Variants in TOP1MT observed in about 807,000 individuals in gnomAD.
TOP1MT encodes the protein DNA topoisomerase I mitochondrial, also known as DNA topoisomerase I, mitochondrial.
In TOP1MT, 80 loss-of-function variants were observed where a neutral mutation model predicts 73.9. The observed-to-expected ratio is 1.08, with a 90% confidence interval of 0.90 to 1.30. The LOEUF is 1.30. TOP1MT is among the 50% of genes most tolerant of loss of function. The probability of loss-of-function intolerance (pLI) is 0.00; values close to 1 mark genes in which losing one functional copy is unlikely to be tolerated. For synonymous variants in TOP1MT, 338 were observed against 326.4 expected, an observed-to-expected ratio of 1.04 and a Z score of -0.38; for missense variants, 815 against 808.0, an observed-to-expected ratio of 1.01 and a Z score of -0.10.
At chr8:143,329,998 G>A (rs1013348926) in intron 2 of TOP1MT, among the ~76,000 whole-genome samples, 3 of 152,220 alleles carry the variant, frequency 2.0e-5, no homozygotes, top group African/African-American at 4.8e-5. Context: ...GGGAACGAGG[G>A]TGTTCACCAG....
upstream of TOP1MT, among the ~76,000 whole-genome samples, chr8:143,335,188 C>G (rs1009493955): frequency 6.6e-6 from 1 of 152,240 alleles, no homozygotes; most frequent in African/African-American, 2.4e-5. Context: ...CCAGTGAACT[C>G]CTGCCCAGGG....
rs1224553081 is a variant in TOP1MT at position 143,344,915 on chromosome 8, C to T, written c.-39+1G>A. The stretch of plus-strand genomic sequence containing the variant: ...GCGTCAAGGGAGGAGCCACCCAGCA[C>T]CTGGAGAGCAGCTGTGGTCACAGGC... On this transcript the variant is annotated splice_donor_variant, in intron 1 of 5. Transcript: ENST00000518007. LOFTEE classifies it low-confidence loss of function (5UTR_SPLICE). This position sits in a 1 kb window ranked among gnomAD's most constrained non-coding sequence, Gnocchi z 4.6. The T allele has an allele frequency of 2.0e-5, 3 of 152,414 alleles. No homozygotes were observed. The highest frequency in any genetic ancestry group is 4.4e-5 in the Non-Finnish European group (3 of 68,206). The allele number at this position is 152,414 out of a possible 1,614,324, so 9.4% of individuals were successfully genotyped here.
At chr8:143,346,292 T>C (rs548158248), upstream of TOP1MT, among the ~76,000 whole-genome samples, 1 of 152,314 alleles carries the variant, frequency 6.6e-6, no homozygotes, top group Non-Finnish European at 1.5e-5. Flanking sequence ...TTACAGGCAG[T>C]GCAGGAACAG....
chr8:143,356,761 G>A (rs1472554565), upstream of TOP1MT, among the ~76,000 whole-genome samples: 1 of 129,412 alleles, frequency 7.7e-6, no homozygotes, highest in Non-Finnish European at 1.6e-5. Context: ...ACTCCAGCCT[G>A]GGCAACAGAG....
At chr8:143,351,031 C>T (rs35168352) in intron 1 of TOP1MT, among the ~76,000 whole-genome samples, 10,243 of 152,232 alleles carry the variant, frequency 0.067, 444 homozygotes, top group Non-Finnish European at 0.092. Context: ...GGTATCTGAT[C>T]GCCTTCATCA....
intron 8 of TOP1MT, among the ~76,000 whole-genome samples, chr8:143,320,494 T>C (rs1563756565): frequency 1.3e-5 from 2 of 152,172 alleles, no homozygotes; most frequent in Non-Finnish European, 2.9e-5. Flanking sequence ...CTCAAACTCC[T>C]GGGCTCAAGT....
In TOP1MT at chr8:143,342,196, TTATTATTA is replaced by T. The variant is rs1278515642; in HGVS notation, c.29+1016_29+1023del. ...GTTATTATTAGAGACAGTCTCGCTG[TTATTATTA>T]TTATTAGAGACAGAGTCTCGCTCTA... On this transcript the variant is annotated intron_variant, in intron 2 of 5. Coordinates refer to the TOP1MT transcript ENST00000518007. 4.7e-4 allele frequency among the ~76,000 whole-genome samples: 6 copies of T among 12,674 alleles called. 2 individuals are homozygous for T. The highest frequency in any genetic ancestry group is 1.1e-3 in the African/African-American group (6 of 5,240). 8.3% of individuals were successfully genotyped at this position (12,674 alleles called of 152,430 possible).
rs1387849158 is a variant in TOP1MT, at chr8:143,324,035, C to T, written c.924G>A (p.Thr308=). The T allele has an allele frequency of 1.1e-5, 17 of 1,613,698 alleles. No homozygotes were observed. In the East Asian group the frequency reaches 2.2e-4, roughly 21 times the overall value. The part of the protein sequence containing the change: ...RADWKSREMK[T]RQRAVALYFI... ...AATACAGGGCCACCGCCCGCTGTCT[C>T]GTCTTCATTTCCCGAGACTTCCAGT... The change falls in exon 7 of 14, where the codon ACG becomes ACA. Residue 308 remains threonine, a synonymous_variant. Transcript: ENST00000329245.
upstream of TOP1MT, among the ~76,000 whole-genome samples, chr8:143,346,616 A>T (rs1817225347): frequency 6.6e-6 from 1 of 151,980 alleles, no homozygotes; most frequent in African/African-American, 2.4e-5. Context: ...ACCTCATCTT[A>T]AAAAAGAGAA....
At chr8:143,354,636 T>C (rs1467919272) in intron 1 of TOP1MT, among the ~76,000 whole-genome samples, 1 of 151,368 alleles carries the variant, frequency 6.6e-6, no homozygotes, top group Non-Finnish European at 1.5e-5. Flanking sequence ...CGCTTGAACC[T>C]GGGAGGCGGA....
chr8:143,323,936 A>G, intron 7 of TOP1MT, 63 bp downstream of exon 7: 1 of 1,595,352 alleles, frequency 6.3e-7, no homozygotes, highest in Non-Finnish European at 8.6e-7. Flanking sequence ...GCACCATCCA[A>G]CTGGGAGTCC....
intron 12 of TOP1MT, among the ~76,000 whole-genome samples, chr8:143,311,271 G>A (rs1816008690): frequency 1.3e-5 from 2 of 151,974 alleles, no homozygotes; most frequent in Non-Finnish European, 1.5e-5. Context: ...GCCTGGCCAG[G>A]AAATGCTAAA....
At chr8:143,352,838 T>G (rs1431486431) in intron 1 of TOP1MT, among the ~76,000 whole-genome samples, 1 of 152,236 alleles carries the variant, frequency 6.6e-6, no homozygotes, top group Admixed American at 6.5e-5. Flanking sequence ...AAGCCAAGCC[T>G]GGTCTCAATC....
chr8:143,322,709 C>T (rs1586760396), intron 7 of TOP1MT, among the ~76,000 whole-genome samples: 1 of 42,244 alleles, frequency 2.4e-5, no homozygotes, highest in Non-Finnish European at 4.1e-5. Context: ...GCACGCCACA[C>T]GCACGCCACA....
intron 8 of TOP1MT, 22 bp from the exon 9 acceptor site, chr8:143,318,108 T>G (rs761347827): frequency 1.2e-6 from 2 of 1,612,670 alleles, no homozygotes; most frequent in African/African-American, 2.7e-5. Flanking sequence ...AGAAGGAATT[T>G]CAGAGGACAG....
At chr8:143,317,264 C>T (rs998047438) in intron 10 of TOP1MT, among the ~76,000 whole-genome samples, 2 of 152,178 alleles carry the variant, frequency 1.3e-5, no homozygotes, top group African/African-American at 4.8e-5. Flanking sequence ...GCTTAGACAG[C>T]ATCCCCAGGT....
chr8:143,324,749 C>T, intron 5 of TOP1MT, 120 bp from the exon 6 acceptor site: 1 of 1,294,254 alleles, frequency 7.7e-7, no homozygotes, highest in East Asian at 2.3e-5. Flanking sequence ...TGGCTCCTGA[C>T]CGAGTCTGGC....
intron 8 of TOP1MT, 59 bp downstream of exon 8, chr8:143,321,142 C>T (rs1816328773): frequency 6.7e-7 from 1 of 1,485,292 alleles, no homozygotes; most frequent in Non-Finnish European, 9.0e-7. Context: ...GGCACGCCCC[C>T]AGACATCCAG....
chr8:143,347,374 CTT>C (rs1563773529), upstream of TOP1MT, among the ~76,000 whole-genome samples: 1 of 152,306 alleles, frequency 6.6e-6, no homozygotes, highest in South Asian at 2.1e-4. Flanking sequence ...CCAGGATGGT[CTT>C]GATCTCCTGA....
Sources: allele counts gnomAD v4.1 joint callset (sites outside exome capture counted in the v4.1 genomes callset), GRCh38; gene constraint gnomAD v4.1.1; non-coding constraint Gnocchi (gnomAD v3.1); transcripts MANE v1.5; gene names NCBI Gene and HGNC (gene_info 2026-07-23, HGNC 2026-07-21).